MAPRE2: variants seen among roughly 807,000 people sequenced by gnomAD.
MAPRE2 encodes microtubule associated protein RP/EB family member 2.
A neutral mutation model predicts 43.2 loss-of-function variants in MAPRE2; 13 were observed. The ratio of observed to expected loss-of-function variants is 0.30; its 90% CI spans 0.20 to 0.48. The LOEUF is 0.48. Ranked by LOEUF, MAPRE2 falls within the 20% of genes least tolerant of loss-of-function variation. MAPRE2 has a pLI of 0.99. For synonymous variants in MAPRE2, 135 were observed against 148.8 expected (o/e 0.91, Z 0.68); for missense variants, 161 against 400.2 (o/e 0.40, Z 5.10).
In MAPRE2 at chr18:35,141,973, ATTGAG is replaced by A. The variant is rs1910670374; in HGVS notation, c.*1607_*1611del. ...AATCTTTTGCAGCAAAGTGATATTT[ATTGAG>A]TTATGTGGAAAAGATGGCTTGTATT... On this transcript the variant is annotated 3_prime_UTR_variant, in exon 7 of 7. Coordinates refer to ENST00000300249, the MANE Select transcript of MAPRE2 (RefSeq NM_014268.4). 6.6e-6 allele frequency: 1 copy of A among 152,242 alleles called. No homozygotes were observed. Among genetic ancestry groups the A allele is most frequent in the Admixed American group, 6.5e-5 (1 of 15,294 alleles). 9.4% of individuals were successfully genotyped at this position (152,242 alleles called of 1,614,324 possible).
chr18:35,024,230 G>A (rs1163721369), intron 2 of MAPRE2, among the ~76,000 whole-genome samples: 4 of 152,150 alleles, frequency 2.6e-5, no homozygotes, highest in Non-Finnish European at 5.9e-5. Context: ...CTGGTACCAT[G>A]AGCTGGGATT....
intron 2 of MAPRE2, among the ~76,000 whole-genome samples, chr18:35,077,232 C>T (rs1038197144): frequency 2.7e-4 from 33 of 121,842 alleles, no homozygotes; most frequent in Admixed American, 1.4e-3. Context: ...CTCACAGATA[C>T]GCGCGCGTGC....
intron 1 of MAPRE2, among the ~76,000 whole-genome samples, chr18:34,997,455 G>C (rs2097027068): frequency 6.6e-6 from 1 of 152,138 alleles, no homozygotes; most frequent in Non-Finnish European, 1.5e-5. Flanking sequence ...TCAGGAAAAA[G>C]CATAAGGAGA....
intron 2 of MAPRE2, among the ~76,000 whole-genome samples, chr18:35,035,901 C>T (rs746286033): frequency 1.3e-4 from 18 of 136,510 alleles, no homozygotes; most frequent in Non-Finnish European, 2.0e-4. Flanking sequence ...CCACCTGTTA[C>T]GTAACTTCCT....
At chr18:35,080,027 A>G (rs1907556704) in intron 2 of MAPRE2, among the ~76,000 whole-genome samples, 2 of 152,250 alleles carry the variant, frequency 1.3e-5, no homozygotes, top group African/African-American at 4.8e-5. Context: ...ATTTCCATCT[A>G]GAAAAGCTTT....
chr18:35,004,464 C>T (rs1194483001), intron 1 of MAPRE2, among the ~76,000 whole-genome samples: 2 of 152,172 alleles, frequency 1.3e-5, no homozygotes, highest in Non-Finnish European at 2.9e-5. Flanking sequence ...ATAGCAACCT[C>T]CTCCGTAACC....
intron 4 of MAPRE2, among the ~76,000 whole-genome samples, chr18:35,102,899 A>G (rs964890328): frequency 6.6e-6 from 1 of 152,196 alleles, no homozygotes; most frequent in Non-Finnish European, 1.5e-5. Flanking sequence ...TCATGTTTCC[A>G]TCTCAATTGT....
chr18:35,102,229 C>G, intron 4 of MAPRE2, 70 bp downstream of exon 4: 1 of 1,128,512 alleles, frequency 8.9e-7, no homozygotes, highest in Admixed American at 2.7e-5. Flanking sequence ...CTGTTATTTA[C>G]TGTGTGTTTC....
At chr18:35,128,478 G>T (rs541773346) in intron 5 of MAPRE2, among the ~76,000 whole-genome samples, 129 of 152,228 alleles carry the variant, frequency 8.5e-4, no homozygotes, top group African/African-American at 3.0e-3. Context: ...ATAAAAAATA[G>T]CAATACAAAC....
intron 2 of MAPRE2, among the ~76,000 whole-genome samples, chr18:35,077,247 GCGCACACACACACACACACACACATA>G (rs1185224144): frequency 6.8e-4 from 80 of 116,918 alleles, no homozygotes; most frequent in African/African-American, 2.4e-3. Flanking sequence ...GCGTGCGCGC[GCGCACACACACACACACACACACATA>G]CACACACACA....
At chr18:35,037,455 G>A (rs2097051131), upstream of MAPRE2, among the ~76,000 whole-genome samples, 1 of 152,216 alleles carries the variant, frequency 6.6e-6, no homozygotes, top group Non-Finnish European at 1.5e-5. Flanking sequence ...CCTGCATCTG[G>A]TGAAGTCAAT....
chr18:35,089,035 A>G (rs539624828), intron 2 of MAPRE2, among the ~76,000 whole-genome samples: 10 of 152,334 alleles, frequency 6.6e-5, no homozygotes, highest in African/African-American at 2.4e-4. Context: ...TATTTTGTCA[A>G]AGTTGAATGA....
At chr18:35,002,726 C>A (rs2097029966) in intron 1 of MAPRE2, among the ~76,000 whole-genome samples, 1 of 152,080 alleles carries the variant, frequency 6.6e-6, no homozygotes, top group Non-Finnish European at 1.5e-5. Flanking sequence ...AGTTAAATGT[C>A]TGTTCATATC....
intron 4 of MAPRE2, among the ~76,000 whole-genome samples, chr18:35,120,097 G>C (rs1909606156): frequency 6.6e-6 from 1 of 152,186 alleles, no homozygotes; most frequent in Non-Finnish European, 1.5e-5. Flanking sequence ...CACCAGTCAG[G>C]AAGTAGTGGA....
chr18:35,039,912 T>A (rs2097052698), upstream of MAPRE2, among the ~76,000 whole-genome samples: 2 of 152,196 alleles, frequency 1.3e-5, no homozygotes, highest in Admixed American at 6.5e-5. Flanking sequence ...AAGCAAAGAA[T>A]CCTTCAAAAT....
upstream of MAPRE2, among the ~76,000 whole-genome samples, chr18:35,036,894 T>G (rs2150595456): frequency 1.3e-5 from 2 of 152,338 alleles, no homozygotes; most frequent in South Asian, 4.1e-4. Flanking sequence ...CTGAAGCCCT[T>G]GCTCTAAGGG....
chr18:34,979,872 G>A (rs549415515), intron 1 of MAPRE2, among the ~76,000 whole-genome samples: 1 of 151,970 alleles, frequency 6.6e-6, no homozygotes, highest in East Asian at 1.9e-4. Flanking sequence ...TCTTTAACAG[G>A]TTATCTTAGA....
rs550548622 is a variant in MAPRE2, at chr18:35,136,515, C to T, written c.910-3780C>T. On this transcript the variant is annotated intron_variant, in intron 6 of 6. Transcript: ENST00000300249. ...ACTTGTGTGGGGAGCAGATAAAAGC[C>T]GCCTGGAGGACCACGCAGAGACTTC... Among the ~76,000 whole-genome samples, 7 of 152,254 alleles carry T rather than the reference C, an allele frequency of 4.6e-5. No homozygotes were observed. In the South Asian group the frequency reaches 8.3e-4, roughly 18 times the overall value.
At chr18:35,009,071 A>G (rs2097033154) in intron 2 of MAPRE2, among the ~76,000 whole-genome samples, 1 of 152,172 alleles carries the variant, frequency 6.6e-6, no homozygotes, top group African/African-American at 2.4e-5. Flanking sequence ...ATAGTGAGCA[A>G]GAGATAGCTT....
Sources: gnomAD v4.1 joint callset for allele counts (sites outside exome capture counted in the v4.1 genomes callset) on GRCh38, gnomAD v4.1.1 for gene constraint, MANE v1.5 for transcripts, NCBI Gene and HGNC (gene_info 2026-07-23, HGNC 2026-07-21) for gene names.